UROS: variants seen among roughly 807,000 people sequenced by gnomAD.
UROS encodes uroporphyrinogen III synthase, also known as uroporphyrinogen-III synthase.
In UROS, 18 loss-of-function variants were observed where a neutral mutation model predicts 33.0. The ratio of observed to expected loss-of-function variants is 0.55; its 90% confidence interval spans 0.38 to 0.81. UROS has a LOEUF of 0.81. Ranked by LOEUF, UROS falls within the 30% of genes least tolerant of loss-of-function variation. UROS has a pLI of 0.00. For synonymous variants in UROS, 114 were observed against 121.1 expected, an observed-to-expected ratio of 0.94 and a Z score of 0.38; for missense variants, 293 against 314.9, an observed-to-expected ratio of 0.93 and a Z score of 0.53.
intron 1 of UROS, among the ~76,000 whole-genome samples, chr10:125,822,268 C>G (rs1331175189): frequency 6.6e-6 from 1 of 152,138 alleles, no homozygotes; most frequent in African/African-American, 2.4e-5. Flanking sequence ...CCACTCTTCT[C>G]TCCAAATAGG....
At chr10:125,800,398 T>C (rs1851739375) in intron 6 of UROS, among the ~76,000 whole-genome samples, 1 of 152,174 alleles carries the variant, frequency 6.6e-6, no homozygotes, top group South Asian at 2.1e-4. Flanking sequence ...CTGGGCATCC[T>C]CGTGTGCGTG....
At chr10:125,816,310 A>C (rs769164057) in intron 2 of UROS, 50 bp from the exon 3 acceptor site, 2 of 1,604,408 alleles carry the variant, frequency 1.2e-6, no homozygotes, top group South Asian at 2.2e-5. Flanking sequence ...TTTTTAAAAT[A>C]AGGGAACATT....
At chr10:125,801,142 G>A (rs1851813997) in intron 6 of UROS, among the ~76,000 whole-genome samples, 1 of 152,186 alleles carries the variant, frequency 6.6e-6, no homozygotes, top group African/African-American at 2.4e-5. Flanking sequence ...GCGCCTGAGT[G>A]CTGATAATAA....
intron 1 of UROS, among the ~76,000 whole-genome samples, chr10:125,821,627 T>G (rs1051058352): frequency 1.3e-5 from 2 of 152,248 alleles, no homozygotes; most frequent in Admixed American, 1.3e-4. Context: ...GTATGTTATG[T>G]ATCTTTTACC....
chr10:125,786,097 C>G (rs1052444205), downstream of UROS, among the ~76,000 whole-genome samples: 3 of 152,126 alleles, frequency 2.0e-5, no homozygotes, highest in Non-Finnish European at 2.9e-5. Flanking sequence ...TCGAGTGAGA[C>G]TCTGGCTTCC....
At chr10:125,813,963 C>T (rs1316749752) in intron 4 of UROS, among the ~76,000 whole-genome samples, 4 of 152,218 alleles carry the variant, frequency 2.6e-5, no homozygotes, top group Admixed American at 2.0e-4. Context: ...GTCCTGGATG[C>T]TTTCCTTTGG....
intron 6 of UROS, among the ~76,000 whole-genome samples, chr10:125,801,717 A>G (rs1851852298): frequency 6.6e-6 from 1 of 152,260 alleles, no homozygotes; most frequent in Admixed American, 6.5e-5. Context: ...TTTGCAAAGA[A>G]TGCAGACCAG....
At chr10:125,806,434 C>T (rs1852343693) in intron 6 of UROS, among the ~76,000 whole-genome samples, 2 of 152,162 alleles carry the variant, frequency 1.3e-5, no homozygotes, top group South Asian at 4.1e-4. Context: ...CTGACCCTGG[C>T]CTCCCAGCTC....
intron 6 of UROS, chr10:125,802,025 A>G: frequency 1.0e-6 from 1 of 985,452 alleles, no homozygotes; most frequent in Non-Finnish European, 1.2e-6. Flanking sequence ...AATAATTACT[A>G]TTCTTTGTAG....
At chr10:125,812,615 T>C (rs1303439976) in intron 4 of UROS, among the ~76,000 whole-genome samples, 1 of 152,162 alleles carries the variant, frequency 6.6e-6, no homozygotes, top group Non-Finnish European at 1.5e-5. Context: ...ATCAAAAATT[T>C]AAATCTAGAC....
rs1230239743 is a variant in UROS, at chr10:125,788,627, G to C, written c.*241C>G. ...GGTTTATTTGACTTCCTTCCTGCTGGGCACAGGAAGCTCTCACAGGGCTAG... is the reference window on the plus strand; with the variant it reads ...GGTTTATTTGACTTCCTTCCTGCTGCGCACAGGAAGCTCTCACAGGGCTAG... On this transcript the variant is annotated 3_prime_UTR_variant, in exon 10 of 10. Coordinates refer to ENST00000368797, the MANE Select transcript of UROS (RefSeq NM_000375.3). 3.6e-6 allele frequency: 5 copies of C among 1,407,504 alleles called. No individual in the cohort carries two copies. Among genetic ancestry groups the C allele is most frequent in the Non-Finnish European group, 4.6e-6 (5 of 1,084,000 alleles). The allele number at this position is 1,407,504 out of a possible 1,614,324, so 87.2% of individuals were successfully genotyped here.
intron 9 of UROS, among the ~76,000 whole-genome samples, chr10:125,790,160 A>G (rs1266245477): frequency 1.3e-5 from 2 of 152,142 alleles, no homozygotes; most frequent in Non-Finnish European, 2.9e-5. Context: ...TGTCCTGCAG[A>G]GGCCCCGCTC....
intron 6 of UROS, chr10:125,807,094 C>G: frequency 2.7e-6 from 1 of 366,786 alleles, no homozygotes; most frequent in Non-Finnish European, 5.2e-6. Context: ...GGAGAGTACC[C>G]ACTCACACCT....
chr10:125,816,661 A>G (rs1853356780), intron 1 of UROS, 136 bp from the exon 2 acceptor site: 2 of 807,536 alleles, frequency 2.5e-6, no homozygotes, highest in Non-Finnish European at 2.1e-6. Flanking sequence ...ACCATGACTT[A>G]GCACTAATGG....
chr10:125,788,493 G>T, downstream of UROS: 1 of 1,087,186 alleles, frequency 9.2e-7, no homozygotes, highest in South Asian at 3.7e-5. Context: ...ATTCATAGCA[G>T]GTTTGTGGGT....
At chr10:125,801,827 T>A (rs1433091106) in intron 6 of UROS, among the ~76,000 whole-genome samples, 2 of 152,192 alleles carry the variant, frequency 1.3e-5, no homozygotes, top group African/African-American at 4.8e-5. Context: ...GTGACATTGA[T>A]CTCTTCTGTC....
At chr10:125,793,774 C>G (rs1851128513) in intron 9 of UROS, 1 of 152,146 alleles carries the variant, frequency 6.6e-6, no homozygotes, top group Non-Finnish European at 1.5e-5. Flanking sequence ...TCTGGAACAC[C>G]TGACCTCAGG....
At chr10:125,789,814 A>C (rs1326523784) in intron 9 of UROS, among the ~76,000 whole-genome samples, 1 of 152,208 alleles carries the variant, frequency 6.6e-6, no homozygotes, top group African/African-American at 2.4e-5. Flanking sequence ...AGCTGTTATT[A>C]GTGCAAGTCC....
chr10:125,789,293 G>GT (rs1197180641), intron 9 of UROS: 3 of 1,367,254 alleles, frequency 2.2e-6, no homozygotes, highest in Non-Finnish European at 2.8e-6. Context: ...CATCACGGCT[G>GT]TGTCAGTGCA....
Sources: allele counts gnomAD v4.1 joint callset (sites outside exome capture counted in the v4.1 genomes callset), GRCh38; gene constraint gnomAD v4.1.1; transcripts MANE v1.5; gene names NCBI Gene and HGNC (gene_info 2026-07-23, HGNC 2026-07-21).